Variants in CDK13 observed in about 807,000 individuals in gnomAD.
The protein encoded by CDK13 is cyclin dependent kinase 13.
Under a neutral mutation model 137.6 loss-of-function variants are expected in CDK13, and 40 were observed. The observed-to-expected ratio is 0.29, with a 90% CI of 0.23 to 0.38. The LOEUF (loss-of-function observed/expected upper bound fraction) is 0.38. Among genes scored for constraint, CDK13 ranks in the 10% least tolerant of loss-of-function variants. The probability of loss-of-function intolerance (pLI) is 1.00; values close to 1 mark genes in which losing one functional copy is unlikely to be tolerated. For synonymous variants in CDK13, 869 were observed against 760.1 expected (o/e 1.14, Z -2.36); for missense variants, 1,704 against 1,951.8 (o/e 0.87, Z 2.39).
intron 5 of CDK13, among the ~76,000 whole-genome samples, chr7:40,029,164 C>T (rs111309862): frequency 9.2e-5 from 14 of 152,164 alleles, no homozygotes; most frequent in African/African-American, 3.1e-4. Flanking sequence ...TGGTGGCTCA[C>T]ACCTGTAATC....
chr7:40,080,826 G>C (rs1308530961), intron 11 of CDK13, among the ~76,000 whole-genome samples: 1 of 152,078 alleles, frequency 6.6e-6, no homozygotes, highest in African/African-American at 2.4e-5. Flanking sequence ...TCCTGAACTA[G>C]TTGGATATCA....
At position 40,097,836 on chromosome 7, in the gene CDK13, T is replaced by G. The variant is rs1787077621; in HGVS notation, c.*2856T>G. On this transcript the variant is annotated 3_prime_UTR_variant, in exon 14 of 14. Transcript: ENST00000181839. ...TTAAGGAGTTGTCATTTGTGGAATG[T>G]GAAATAAGGTAATAATTCTAGCTGT... The G allele has an allele frequency of 6.6e-6, 1 of 152,134 alleles. No homozygotes were observed. Among genetic ancestry groups the G allele is most frequent in the Non-Finnish European group, 1.5e-5 (1 of 67,976 alleles). The allele number at this position is 152,134 out of a possible 1,614,324, so 9.4% of individuals were successfully genotyped here. A position where few individuals can be genotyped will look rare whatever the true frequency, so the allele number is the denominator to read the frequency against.
chr7:39,960,099 C>G (rs1227956156), intron 1 of CDK13, among the ~76,000 whole-genome samples: 1 of 143,582 alleles, frequency 7.0e-6, no homozygotes, highest in Non-Finnish European at 1.5e-5. Context: ...TTCCAGTGGT[C>G]TTTTGGTCCA....
intron 5 of CDK13, among the ~76,000 whole-genome samples, chr7:40,044,777 C>T (rs949181065): frequency 1.8e-4 from 28 of 152,004 alleles, no homozygotes; most frequent in African/African-American, 6.5e-4. Context: ...GCTGGAACTA[C>T]AGGCATCCAC....
chr7:40,030,270 T>TAGAG (rs1358460313), intron 5 of CDK13, among the ~76,000 whole-genome samples: 35 of 142,366 alleles, frequency 2.5e-4, no homozygotes, highest in South Asian at 6.3e-4. Flanking sequence ...TGTATATATA[T>TAGAG]ATATAGAGAG....
chr7:39,951,617 C>T lies in CDK13; in HGVS notation c.976C>T (p.Pro326Ser). 2 of 1,485,196 alleles carry T rather than the reference C, an allele frequency of 1.3e-6. No homozygotes were observed. Among genetic ancestry groups the T allele is most frequent in the South Asian group, 1.3e-5 (1 of 74,668 alleles). The allele number at this position is 1,485,196 out of a possible 1,614,324, so 92.0% of individuals were successfully genotyped here. The change falls in exon 1 of 14, where the codon CCG becomes TCG. Residue 326 changes from proline (P) to serine (S), a missense_variant. By Grantham distance (74) the Pro-to-Ser change is moderately conservative. Transcript: ENST00000181839. ...CCCACTGGGAGGCCGGGACGACAGC[C>T]CGGTGTCCCACAGGGCCTCTCAGAG... ...LSPLGGRDDS[P>S]VSHRASQSLR...
At chr7:39,984,866 CAGG>C (rs1784303618) in intron 1 of CDK13, 1 of 152,112 alleles carries the variant, frequency 6.6e-6, no homozygotes, top group African/African-American at 2.4e-5. Context: ...TATCAGCTAT[CAGG>C]AGGCTGAGGC....
intron 7 of CDK13, chr7:40,049,331 G>T (rs1785827344): frequency 6.6e-6 from 1 of 151,516 alleles, no homozygotes; most frequent in South Asian, 2.1e-4. Context: ...ACTTTCACCA[G>T]AGTTACTTGG....
intron 1 of CDK13, among the ~76,000 whole-genome samples, chr7:39,973,215 C>A (rs940081018): frequency 2.0e-5 from 3 of 152,168 alleles, no homozygotes; most frequent in Non-Finnish European, 4.4e-5. Context: ...TGGCTCACTG[C>A]AGCCTCCATC....
At chr7:40,050,842 C>G (rs1040167074) in intron 7 of CDK13, among the ~76,000 whole-genome samples, 1 of 152,156 alleles carries the variant, frequency 6.6e-6, no homozygotes, top group African/African-American at 2.4e-5. Flanking sequence ...TATGTAAATC[C>G]TTTCCTATGG....
intron 4 of CDK13, among the ~76,000 whole-genome samples, chr7:40,001,434 C>T (rs551556753): frequency 6.6e-6 from 1 of 152,100 alleles, no homozygotes; most frequent in Non-Finnish European, 1.5e-5. Context: ...CCAGGCTGAT[C>T]TCGAACTCCT....
chr7:39,981,792 CTTTTTTTT>C (rs545024171), intron 1 of CDK13, among the ~76,000 whole-genome samples: 1 of 136,306 alleles, frequency 7.3e-6, no homozygotes, highest in Non-Finnish European at 1.6e-5. Context: ...TCCAAAATAT[CTTTTTTTT>C]TTTTTTTTTG....
chr7:39,994,101 T>G (rs190160744), intron 2 of CDK13, among the ~76,000 whole-genome samples: 1 of 152,254 alleles, frequency 6.6e-6, no homozygotes, highest in East Asian at 1.9e-4. Flanking sequence ...AATTGATGTT[T>G]AGTAGATATG....
chr7:40,015,003 G>C (rs1364024040), intron 5 of CDK13, among the ~76,000 whole-genome samples: 2 of 152,142 alleles, frequency 1.3e-5, no homozygotes, highest in Non-Finnish European at 2.9e-5. Context: ...GTATAAAATA[G>C]ATTGTAGTCT....
At chr7:39,996,909 A>G (rs1275716343) in intron 2 of CDK13, among the ~76,000 whole-genome samples, 2 of 138,372 alleles carry the variant, frequency 1.4e-5, no homozygotes, top group East Asian at 5.0e-4. Context: ...GGTTGCAGTG[A>G]GCCAGGATCT....
In CDK13 at chr7:39,988,020, G is replaced by A. The variant is rs1372117333; in HGVS notation, c.1633G>A (p.Val545Ile). 7 of 1,613,994 alleles carry A rather than the reference G, an allele frequency of 4.3e-6. No individual in the cohort carries two copies. Among genetic ancestry groups the A allele is most frequent in the Non-Finnish European group, 5.9e-6 (7 of 1,179,952 alleles). ...DKAKTKPPLQ[V>I]TKVENNLIVD... ...AGCAAAAACAAAGCCACCTCTTCAGGTAACGAAGGTGGAAAATAATTTGAT... is the reference window on the plus strand; with the variant it reads ...AGCAAAAACAAAGCCACCTCTTCAGATAACGAAGGTGGAAAATAATTTGAT... Residue 545 changes from valine to isoleucine, a missense_variant, in exon 2 of 14, where the codon GTA becomes ATA. Physicochemically the swap from Val to Ile is conservative, Grantham distance 29 (BLOSUM62 3). Around this residue, in one of 5 missense-constraint regions of CDK13, gnomAD observed 1,051 missense variants for 931.0 expected, o/e 1.13. Coordinates refer to ENST00000181839, the MANE Select transcript of CDK13 (RefSeq NM_003718.5).
At chr7:39,967,191 C>T (rs1023193001) in intron 1 of CDK13, among the ~76,000 whole-genome samples, 1 of 151,998 alleles carries the variant, frequency 6.6e-6, no homozygotes. Context: ...ACTTTGGGAG[C>T]CTGAGGTGGG....
At chr7:39,952,748 C>A (rs1440599962) in intron 1 of CDK13, 1 of 152,130 alleles carries the variant, frequency 6.6e-6, no homozygotes, top group Non-Finnish European at 1.5e-5. Context: ...CTTTAAATAT[C>A]AGGATCTTTG....
intron 2 of CDK13, among the ~76,000 whole-genome samples, chr7:39,990,223 G>T (rs1349046817): frequency 1.3e-5 from 2 of 151,158 alleles, no homozygotes; most frequent in African/African-American, 2.4e-5. Flanking sequence ...TTTAATTCTT[G>T]TTCATTACTT....
Sources: gnomAD v4.1 joint callset for allele counts (sites outside exome capture counted in the v4.1 genomes callset) on GRCh38, gnomAD v4.1.1 for gene constraint, gnomAD v4.1.1 regional missense constraint, MANE v1.5 for transcripts, NCBI Gene and HGNC (gene_info 2026-07-23, HGNC 2026-07-21) for gene names.